Variants in SMARCA2 observed in about 807,000 individuals in gnomAD.
SMARCA2 encodes SWI/SNF-related matrix-associated actin-dependent regulator of chromatin subfamily A member 2.
Under a neutral mutation model 199.8 loss-of-function variants are expected in SMARCA2, and 61 were observed. The ratio of observed to expected loss-of-function variants is 0.31; its 90% confidence interval spans 0.25 to 0.38. SMARCA2 has a LOEUF of 0.38. Among genes scored for constraint, SMARCA2 ranks in the 10% least tolerant of loss-of-function variants. The pLI is 1.00. For missense variants in SMARCA2, 1,344 were observed against 2,012.2 expected, an observed-to-expected ratio of 0.67 and a Z score of 6.35; for synonymous variants, 935 against 732.0, an observed-to-expected ratio of 1.28 and a Z score of -4.48.
chr9:2,186,076 A>T lies in SMARCA2; in HGVS notation c.4462-20A>T. On this transcript the variant is annotated intron_variant, in intron 31 of 33. Transcript: ENST00000349721. ...GTAACTCAGCTTGCAGTTTTAACAGATGCCCCTTTGACCATTTAGATCTAT... is the reference window on the plus strand; with the variant it reads ...GTAACTCAGCTTGCAGTTTTAACAGTTGCCCCTTTGACCATTTAGATCTAT... The T allele has an allele frequency of 6.2e-7, 1 of 1,611,708 alleles. No homozygotes were observed. The highest frequency in any genetic ancestry group is 8.5e-7 in the Non-Finnish European group (1 of 1,178,466).
chr9:2,159,603 C>A, intron 27 of SMARCA2: 1 of 486,446 alleles, frequency 2.1e-6, no homozygotes, highest in Non-Finnish European at 3.5e-6. Flanking sequence ...TCTAATTCTG[C>A]TGCCTGGAAT....
rs551460349 is a variant in SMARCA2 at position 2,140,662 on chromosome 9, A to G, written c.3981+16725A>G. 1.1e-4 allele frequency among the ~76,000 whole-genome samples: 17 copies of G among 152,356 alleles called. No homozygotes were observed. The East Asian group carries it at 2.5e-3, about 22-fold the overall frequency. On this transcript the variant is annotated intron_variant, in intron 27 of 33. Coordinates refer to ENST00000349721, the MANE Select transcript of SMARCA2 (RefSeq NM_003070.5). ...GTGAAGAAAGAAACTAGAATCACCT[A>G]TAATCTCATTGACCTTCAGGTATCC... is the stretch of plus-strand genomic sequence containing the variant.
Position 2,170,604 on chromosome 9 carries a change from G to C in SMARCA2, c.4253+132G>C. ...CCTCCTGATCACCCCTACTTGGAGA[G>C]CGGGATAGAGGCACAGATACTCTTA... On this transcript the variant is annotated intron_variant, in intron 29 of 33. Coordinates refer to ENST00000349721, the MANE Select transcript of SMARCA2 (RefSeq NM_003070.5). This position sits in a 1 kb window ranked among gnomAD's most constrained non-coding sequence, Gnocchi z 4.7. The C allele has an allele frequency of 1.4e-6, 2 of 1,435,586 alleles. No homozygotes were observed. Among genetic ancestry groups the C allele is most frequent in the Non-Finnish European group, 1.9e-6 (2 of 1,042,084 alleles). The allele number at this position is 1,435,586 out of a possible 1,614,324, so 88.9% of individuals were successfully genotyped here.
chr9:2,160,003 C>T (rs561541445), intron 27 of SMARCA2: 17 of 1,516,766 alleles, frequency 1.1e-5, no homozygotes, highest in East Asian at 7.4e-5. Flanking sequence ...CGGTGTTCTC[C>T]GTATTTCTGT....
chr9:2,165,384 G>A (rs150601259), intron 28 of SMARCA2, among the ~76,000 whole-genome samples: 30 of 152,236 alleles, frequency 2.0e-4, no homozygotes, highest in African/African-American at 6.7e-4. Context: ...TTGCTTTTTA[G>A]TCAGTGATAG....
chr9:2,041,018 A>C (rs1316764149), intron 4 of SMARCA2: 1 of 219,340 alleles, frequency 4.6e-6, no homozygotes, highest in African/African-American at 2.3e-5. Context: ...AGTGGTTTCC[A>C]TTCATTTAGG....
intron 5 of SMARCA2, among the ~76,000 whole-genome samples, chr9:2,050,625 ATTTT>A (rs34545845): frequency 1.4e-5 from 2 of 143,644 alleles, no homozygotes; most frequent in Admixed American, 6.9e-5. Flanking sequence ...CTTACCTGTG[ATTTT>A]TTTTTTTTTT....
At chr9:2,064,206 G>A (rs574887174) in intron 9 of SMARCA2, among the ~76,000 whole-genome samples, 6 of 152,332 alleles carry the variant, frequency 3.9e-5, no homozygotes, top group Non-Finnish European at 7.3e-5. Flanking sequence ...TTGGACCACT[G>A]TCTGAGTCGT....
intron 33 of SMARCA2, chr9:2,191,740 G>C (rs1366990450): frequency 4.8e-6 from 1 of 208,184 alleles, no homozygotes; most frequent in African/African-American, 2.3e-5. Context: ...ATCACAGCCA[G>C]CATGGTGCCT....
At chr9:2,159,926 G>C in intron 27 of SMARCA2, 1 of 1,602,818 alleles carries the variant, frequency 6.2e-7, no homozygotes, top group South Asian at 1.1e-5. Flanking sequence ...ATCCTTTTTC[G>C]TTGCCGTCTT....
chr9:2,153,940 C>A (rs1825208299), intron 27 of SMARCA2, among the ~76,000 whole-genome samples: 1 of 152,146 alleles, frequency 6.6e-6, no homozygotes, highest in Non-Finnish European at 1.5e-5. Flanking sequence ...CTAAGCCTGG[C>A]AAGTATAACT....
chr9:2,160,429 C>T (rs1825606788), intron 27 of SMARCA2: 2 of 520,992 alleles, frequency 3.8e-6, no homozygotes, highest in Non-Finnish European at 6.8e-6. Flanking sequence ...TTAAAAATCC[C>T]ACTGGCATTT....
intron 31 of SMARCA2, among the ~76,000 whole-genome samples, chr9:2,185,628 C>T (rs1159548183): frequency 1.3e-5 from 2 of 152,192 alleles, no homozygotes; most frequent in Non-Finnish European, 2.9e-5. Context: ...GGGCCATGCT[C>T]AGACATGTGT....
At position 2,119,562 on chromosome 9, in the gene SMARCA2, A is replaced by T; in HGVS notation, c.3762+27A>T. 6.8e-7 allele frequency: 1 copy of T among 1,479,658 alleles called. No homozygotes were observed. The highest frequency in any genetic ancestry group is 1.7e-5 in the Admixed American group (1 of 59,882). 91.7% of individuals were successfully genotyped at this position (1,479,658 alleles called of 1,614,324 possible). Reference sequence around the variant, plus strand: ...TAATGTTACAGAAAATCATGAACACAAATGCTTTATACCTCTGCCCCTTTT... The same window carrying T: ...TAATGTTACAGAAAATCATGAACACTAATGCTTTATACCTCTGCCCCTTTT... On this transcript the variant is annotated intron_variant, in intron 26 of 33. Transcript: ENST00000349721. This position sits in a 1 kb window ranked among gnomAD's most constrained non-coding sequence, Gnocchi z 4.6.
At chr9:2,051,170 TA>T (rs1295233093) in intron 5 of SMARCA2, among the ~76,000 whole-genome samples, 1 of 152,220 alleles carries the variant, frequency 6.6e-6, no homozygotes, top group Non-Finnish European at 1.5e-5. Flanking sequence ...TCTTCTGTGT[TA>T]AAGAAGCCCC....
chr9:2,122,941 A>T (rs751982295), intron 26 of SMARCA2, among the ~76,000 whole-genome samples: 3 of 152,216 alleles, frequency 2.0e-5, no homozygotes, highest in Non-Finnish European at 4.4e-5. Flanking sequence ...AGTGAACTGG[A>T]TTATTAAAAA....
At chr9:2,127,015 C>T (rs1169285381) in intron 27 of SMARCA2, among the ~76,000 whole-genome samples, 1 of 152,178 alleles carries the variant, frequency 6.6e-6, no homozygotes, top group Non-Finnish European at 1.5e-5. Flanking sequence ...AAAATGTTTG[C>T]AAACTCATGT....
At chr9:2,190,904 T>C (rs1827832800) in intron 32 of SMARCA2, among the ~76,000 whole-genome samples, 1 of 152,214 alleles carries the variant, frequency 6.6e-6, no homozygotes, top group South Asian at 2.1e-4. Context: ...ATATTTTTAA[T>C]GTAAAAGTTC....
rs558384854 is a variant in SMARCA2 at position 2,170,437 on chromosome 9, G to A, written c.4218G>A (p.Val1406=). The change falls in exon 29 of 34, where the codon GTG becomes GTA. Residue 1406 remains valine (V), a synonymous_variant. Transcript: ENST00000349721. This position sits in a 1 kb window ranked among gnomAD's most constrained non-coding sequence, Gnocchi z 4.7. The stretch of plus-strand genomic sequence containing the variant: ...ACCGCAGGTGTAACGTGGAGAAGGT[G>A]CCCAGTAATTCTCAGTTGGAAATAG... ...NYKDRCNVEK[V]PSNSQLEIEG... 1.6e-4 allele frequency: 259 copies of A among 1,614,076 alleles called. 11 individuals are homozygous for A. In the South Asian group the frequency reaches 2.7e-3, roughly 17 times the overall value.
Sources: allele counts gnomAD v4.1 joint callset (sites outside exome capture counted in the v4.1 genomes callset), GRCh38; gene constraint gnomAD v4.1.1; non-coding constraint Gnocchi (gnomAD v3.1); transcripts MANE v1.5; gene names NCBI Gene and HGNC (gene_info 2026-07-23, HGNC 2026-07-21).